The following ARHGAP12 variants were observed in gnomAD, a reference collection of about 807,000 sequenced individuals.
ARHGAP12 encodes the protein Rho GTPase activating protein 12, also known as rho GTPase-activating protein 12.
A neutral mutation model predicts 108.6 loss-of-function variants in ARHGAP12; 64 were observed. The observed-to-expected ratio is 0.59, with a 90% CI of 0.48 to 0.73. ARHGAP12 has a LOEUF of 0.73. ARHGAP12 is among the 30% of genes least tolerant of loss of function. ARHGAP12 has a pLI of 0.00. For missense variants in ARHGAP12, 940 were observed against 1,005.9 expected, an observed-to-expected ratio of 0.93 and a Z score of 0.89; for synonymous variants, 312 against 337.2, an observed-to-expected ratio of 0.93 and a Z score of 0.82.
chr10:31,907,893 A>G (rs1839200813), intron 3 of ARHGAP12, among the ~76,000 whole-genome samples: 1 of 152,218 alleles, frequency 6.6e-6, no homozygotes, highest in Admixed American at 6.5e-5. Context: ...CCTCTGCCTT[A>G]TACATAATCA....
At chr10:31,833,935 T>C (rs573790444) in intron 9 of ARHGAP12, among the ~76,000 whole-genome samples, 40 of 152,152 alleles carry the variant, frequency 2.6e-4, no homozygotes, top group Admixed American at 2.4e-3. Flanking sequence ...TAAGAAAGGG[T>C]AGCATGACCA....
chr10:31,864,581 A>T (rs1442141074), intron 3 of ARHGAP12, among the ~76,000 whole-genome samples: 2 of 152,228 alleles, frequency 1.3e-5, no homozygotes, highest in African/African-American at 2.4e-5. Flanking sequence ...TTGAATGAAT[A>T]AACAAACTAA....
intron 3 of ARHGAP12, among the ~76,000 whole-genome samples, chr10:31,867,676 T>C (rs772779404): frequency 8.5e-5 from 13 of 152,174 alleles, no homozygotes; most frequent in Non-Finnish European, 1.8e-4. Context: ...GGCAGTATGT[T>C]TCAAGAGTTT....
chr10:31,917,965 T>C (rs1351891284), intron 1 of ARHGAP12, among the ~76,000 whole-genome samples: 2 of 149,392 alleles, frequency 1.3e-5, no homozygotes, highest in Admixed American at 6.7e-5. Flanking sequence ...TTTTTTTTTT[T>C]CTTTTGAGAG....
At chr10:31,921,283 G>GA (rs1309564136) in intron 1 of ARHGAP12, among the ~76,000 whole-genome samples, 1 of 151,890 alleles carries the variant, frequency 6.6e-6, no homozygotes, top group African/African-American at 2.4e-5. Flanking sequence ...CTCAAAAAAA[G>GA]AAAAAAGAAA....
chr10:31,909,859 G>A (rs528416495), intron 2 of ARHGAP12, among the ~76,000 whole-genome samples: 1 of 152,270 alleles, frequency 6.6e-6, no homozygotes, highest in East Asian at 1.9e-4. Context: ...TCACACCACT[G>A]CACTCCAACC....
intron 3 of ARHGAP12, among the ~76,000 whole-genome samples, chr10:31,889,352 T>TG (rs1481378227): frequency 6.6e-6 from 1 of 152,236 alleles, no homozygotes; most frequent in African/African-American, 2.4e-5. Context: ...GATTAAATAA[T>TG]GCTCTGCCAG....
At chr10:31,815,434 T>A (rs1312366935) in intron 13 of ARHGAP12, among the ~76,000 whole-genome samples, 1 of 152,248 alleles carries the variant, frequency 6.6e-6, no homozygotes, top group African/African-American at 2.4e-5. Context: ...CACAGGTATG[T>A]ATGCTTATCC....
At chr10:31,834,434 A>G (rs1447123582) in intron 9 of ARHGAP12, among the ~76,000 whole-genome samples, 1 of 152,158 alleles carries the variant, frequency 6.6e-6, no homozygotes, top group Non-Finnish European at 1.5e-5. Flanking sequence ...CCATCTATGA[A>G]CCAGGAAGGT....
At chr10:31,905,962 C>T (rs965779045) in intron 3 of ARHGAP12, among the ~76,000 whole-genome samples, 6 of 152,096 alleles carry the variant, frequency 3.9e-5, no homozygotes, top group Admixed American at 3.3e-4. Flanking sequence ...ATGCACACCC[C>T]TGTGTAGTCT....
intron 9 of ARHGAP12, among the ~76,000 whole-genome samples, chr10:31,834,130 G>T (rs1019841761): frequency 3.3e-5 from 5 of 152,152 alleles, no homozygotes; most frequent in Admixed American, 3.3e-4. Flanking sequence ...TGGGTAGCTG[G>T]TAATATCTCC....
chr10:31,928,388 G>A (rs1481231526), intron 1 of ARHGAP12, among the ~76,000 whole-genome samples: 1 of 151,846 alleles, frequency 6.6e-6, no homozygotes, highest in East Asian at 1.9e-4. Flanking sequence ...AAACCCAGGG[G>A]GCAGAGAAGC....
chr10:31,891,715 C>T (rs928801861), intron 3 of ARHGAP12, among the ~76,000 whole-genome samples: 3 of 152,190 alleles, frequency 2.0e-5, no homozygotes, highest in Non-Finnish European at 4.4e-5. Context: ...CTTTCACGTA[C>T]ACCAATCAGA....
intron 3 of ARHGAP12, among the ~76,000 whole-genome samples, chr10:31,863,196 ATCTT>A (rs1484829740): frequency 1.3e-5 from 2 of 152,170 alleles, no homozygotes; most frequent in South Asian, 2.1e-4. Flanking sequence ...ACTAAACAAC[ATCTT>A]TCTATGAAGA....
chr10:31,816,217 ATCT>A (rs1235558359), intron 13 of ARHGAP12, among the ~76,000 whole-genome samples: 1 of 111,476 alleles, frequency 9.0e-6, no homozygotes, highest in African/African-American at 3.3e-5. Context: ...GTGTAAAATC[ATCT>A]CTCTTCACTT....
rs1425912411 is a variant in ARHGAP12 at position 31,817,776 on chromosome 10, T to A, written c.1731+12A>T. 1.3e-6 allele frequency: 2 copies of A among 1,547,462 alleles called. No individual in the cohort carries two copies. Among genetic ancestry groups the A allele is most frequent in the Non-Finnish European group, 1.7e-6 (2 of 1,146,958 alleles). Reference sequence around the variant, plus strand: ...CTCTGAAGTAAAAATTTTACCTAAGTCAACGACATACCTGATTATTGATTG... The same window carrying A: ...CTCTGAAGTAAAAATTTTACCTAAGACAACGACATACCTGATTATTGATTG... On this transcript the variant is annotated intron_variant, in intron 13 of 19. Transcript: ENST00000344936.
Position 31,897,892 on chromosome 10 carries a change from A to G in ARHGAP12, c.684+10280T>C, listed in dbSNP as rs141356215. 1.7e-4 allele frequency among the ~76,000 whole-genome samples: 26 copies of G among 152,264 alleles called. No homozygotes were observed. In the East Asian group the frequency reaches 5.0e-3, roughly 29 times the overall value. ...TGTAATCCCAGCACTTTGGGAGGTC[A>G]AGGCAGGCAGATCGCTTGCGCCCAG... On this transcript the variant is annotated intron_variant, in intron 3 of 19. Transcript: ENST00000344936.
intron 11 of ARHGAP12, among the ~76,000 whole-genome samples, chr10:31,821,540 A>G (rs1024224824): frequency 6.6e-6 from 1 of 152,200 alleles, no homozygotes; most frequent in African/African-American, 2.4e-5. Context: ...TTTCAAATCA[A>G]ATTAATTTGT....
At chr10:31,832,783 T>C (rs1012320778) in intron 9 of ARHGAP12, among the ~76,000 whole-genome samples, 6 of 152,158 alleles carry the variant, frequency 3.9e-5, no homozygotes, top group Non-Finnish European at 8.8e-5. Flanking sequence ...GAGATAAACA[T>C]AATATTGAGC....
Sources: allele counts gnomAD v4.1 joint callset (sites outside exome capture counted in the v4.1 genomes callset), GRCh38; gene constraint gnomAD v4.1.1; transcripts MANE v1.5; gene names NCBI Gene and HGNC (gene_info 2026-07-23, HGNC 2026-07-21).